Variants in PTGER4 observed in about 807,000 individuals in gnomAD.
PTGER4 encodes the protein prostaglandin E receptor 4, also known as prostaglandin E2 receptor EP4 subtype.
In PTGER4, 11 loss-of-function variants were observed where a neutral mutation model predicts 33.2. That is an observed-to-expected ratio of 0.33 (90% CI 0.21 to 0.55). The LOEUF (loss-of-function observed/expected upper bound fraction) is 0.55. PTGER4 is among the 20% of genes least tolerant of loss of function. The probability of loss-of-function intolerance (pLI) is 0.92; values close to 1 mark genes in which losing one functional copy is unlikely to be tolerated. For missense variants in PTGER4, 481 were observed against 650.2 expected, an observed-to-expected ratio of 0.74 and a Z score of 2.83; for synonymous variants, 275 against 281.5, an observed-to-expected ratio of 0.98 and a Z score of 0.23.
At chr5:40,730,132 ATT>A in the PTGER4 span, 1 of 659,712 alleles carries the variant, frequency 1.5e-6, no homozygotes, top group East Asian at 2.7e-5. Context: ...ATGGTGAAAT[ATT>A]TTTTCCCAAA....
downstream of PTGER4, among the ~76,000 whole-genome samples, chr5:40,694,664 C>A (rs549168675): frequency 6.6e-6 from 1 of 151,876 alleles, no homozygotes; most frequent in East Asian, 1.9e-4. Context: ...TAGGGCCCCA[C>A]CCTTATGACT....
the PTGER4 span, among the ~76,000 whole-genome samples, chr5:40,699,095 G>GA: frequency 1.3e-5 from 2 of 150,174 alleles, no homozygotes; most frequent in South Asian, 4.2e-4. Context: ...TATAGGAACA[G>GA]AAAAAACAGT....
chr5:40,681,958 T>A lies in PTGER4; in HGVS notation c.867+98T>A. On this transcript the variant is annotated intron_variant, in intron 2 of 2. Coordinates refer to ENST00000302472, the MANE Select transcript of PTGER4 (RefSeq NM_000958.3). This position sits in a 1 kb window ranked among gnomAD's most constrained non-coding sequence, Gnocchi z 9.8. ...TGCTTTCCCTCTGAGTCCTTGGCAG[T>A]GAACGTGTCGCCTTTAGGTCGGGGC... 1 of 1,381,662 alleles carries A rather than the reference T, an allele frequency of 7.2e-7. No homozygotes were observed. The highest frequency in any genetic ancestry group is 9.5e-7 in the Non-Finnish European group (1 of 1,047,128). 85.6% of individuals were successfully genotyped at this position (1,381,662 alleles called of 1,614,324 possible).
chr5:40,744,739 A>C, the PTGER4 span, among the ~76,000 whole-genome samples: 2 of 152,220 alleles, frequency 1.3e-5, no homozygotes, highest in East Asian at 3.9e-4. Flanking sequence ...AACAATTCTT[A>C]TACTGTCAAG....
chr5:40,693,825 A>T (rs537193809), downstream of PTGER4: 19 of 658,056 alleles, frequency 2.9e-5, no homozygotes, highest in Admixed American at 4.4e-4. Flanking sequence ...ATATTTTTTT[A>T]AAATTTATTG....
At chr5:40,716,402 G>A in the PTGER4 span, 13 of 1,613,798 alleles carry the variant, frequency 8.1e-6, no homozygotes, top group African/African-American at 2.7e-5. Context: ...GCTACCTTCT[G>A]CTGCTCCTGG....
rs1183616571 is a variant in PTGER4, at chr5:40,681,329, C to T, written c.336C>T (p.Ala112=). 6.2e-7 allele frequency: 1 copy of T among 1,614,198 alleles called. No homozygotes were observed. Among genetic ancestry groups the T allele is most frequent in the Non-Finnish European group, 8.5e-7 (1 of 1,180,044 alleles). ...FSLSGLSIIC[A]MSVERYLAIN... is the part of the protein sequence containing the mutation. ...TGTCCGGCCTCAGCATCATCTGCGC[C>T]ATGAGTGTCGAGCGCTACCTGGCCA... is the stretch of plus-strand genomic sequence containing the variant. The change falls in exon 2 of 3, where the codon GCC becomes GCT. Residue 112 remains alanine, a synonymous_variant. Transcript: ENST00000302472. The surrounding 1 kb of genome is among the most constrained non-coding windows in gnomAD (Gnocchi z 9.8).
At position 40,680,570 on chromosome 5, in the gene PTGER4, C is replaced by G. The variant is rs2111780007; in HGVS notation, c.-44+92C>G. On this transcript the variant is annotated intron_variant, in intron 1 of 2. Coordinates refer to ENST00000302472, the MANE Select transcript of PTGER4 (RefSeq NM_000958.3). This position sits in a 1 kb window ranked among gnomAD's most constrained non-coding sequence, Gnocchi z 5.5. The stretch of plus-strand genomic sequence containing the variant: ...AGAGAGCCAAGAAGGGAAGAGCGCG[C>G]TCTCCAAATTGCTTTTGTAACTTGT... The G allele has an allele frequency of 1.9e-5, 3 of 158,680 alleles. No individual in the cohort carries two copies. The highest frequency in any genetic ancestry group is 3.6e-4 in the South Asian group (2 of 5,588). 9.8% of individuals were successfully genotyped at this position (158,680 alleles called of 1,614,324 possible).
At chr5:40,713,780 T>C in the PTGER4 span, among the ~76,000 whole-genome samples, 1 of 152,190 alleles carries the variant, frequency 6.6e-6, no homozygotes, top group East Asian at 1.9e-4. Context: ...AACATCTATA[T>C]CATTATCATG....
intron 2 of PTGER4, among the ~76,000 whole-genome samples, chr5:40,684,924 T>G (rs1012737160): frequency 1.3e-5 from 2 of 152,168 alleles, no homozygotes; most frequent in African/African-American, 4.8e-5. Flanking sequence ...AAGGATTGAA[T>G]TCTTTAGAAA....
At chr5:40,728,439 T>G in the PTGER4 span, 26 of 1,613,668 alleles carry the variant, frequency 1.6e-5, no homozygotes, top group Non-Finnish European at 2.0e-5. Context: ...TTCTGCTGCA[T>G]GTACTGCTGG....
chr5:40,687,969 G>T (rs952312050), intron 2 of PTGER4, among the ~76,000 whole-genome samples: 3 of 152,162 alleles, frequency 2.0e-5, no homozygotes, highest in Admixed American at 1.3e-4. Context: ...GCACAGAAAT[G>T]ATTCTTTCCT....
In PTGER4 at chr5:40,692,695, G is replaced by T; in HGVS notation, c.*317G>T. 9.3e-7 allele frequency: 1 copy of T among 1,074,274 alleles called. No individual in the cohort carries two copies. The highest frequency in any genetic ancestry group is 1.1e-6 in the Non-Finnish European group (1 of 885,586). 66.5% of individuals were successfully genotyped at this position (1,074,274 alleles called of 1,614,324 possible). A position where few individuals can be genotyped will look rare whatever the true frequency, so the allele number is the denominator to read the frequency against. On this transcript the variant is annotated 3_prime_UTR_variant, in exon 3 of 3. Transcript: ENST00000302472. Reference sequence around the variant, plus strand: ...TTTGGCTGCTGTCATAACATCCAGAGCTTTGTCGTATTTGGCACACAGCAG... The same window carrying T: ...TTTGGCTGCTGTCATAACATCCAGATCTTTGTCGTATTTGGCACACAGCAG...
the PTGER4 span, among the ~76,000 whole-genome samples, chr5:40,721,590 A>G: frequency 6.6e-6 from 1 of 152,198 alleles, no homozygotes; most frequent in Non-Finnish European, 1.5e-5. Flanking sequence ...ATCTTACACC[A>G]TAAACAAAAG....
At chr5:40,713,946 C>A in the PTGER4 span, among the ~76,000 whole-genome samples, 2 of 152,148 alleles carry the variant, frequency 1.3e-5, no homozygotes, top group Non-Finnish European at 2.9e-5. Context: ...TTTTGAGGGG[C>A]CTGCAGAAAT....
the PTGER4 span, among the ~76,000 whole-genome samples, chr5:40,714,236 G>A: frequency 6.6e-6 from 1 of 152,036 alleles, no homozygotes; most frequent in African/African-American, 2.4e-5. Context: ...ATAAGGAAAG[G>A]ATTACAAAAA....
the PTGER4 span, among the ~76,000 whole-genome samples, chr5:40,701,494 C>T: frequency 6.6e-6 from 1 of 151,964 alleles, no homozygotes; most frequent in Admixed American, 6.6e-5. Context: ...AAAAAGAATA[C>T]AAAAGAATGA....
chr5:40,686,901 GAAAAT>G (rs1250836487), intron 2 of PTGER4, among the ~76,000 whole-genome samples: 1 of 151,922 alleles, frequency 6.6e-6, no homozygotes, highest in Non-Finnish European at 1.5e-5. Flanking sequence ...CTTTCTAAAA[GAAAAT>G]AAAATAATTT....
At chr5:40,728,586 C>T in the PTGER4 span, 3 of 1,072,694 alleles carry the variant, frequency 2.8e-6, no homozygotes, top group Non-Finnish European at 3.8e-6. Context: ...GTAAAAATAG[C>T]ATTTCGGTGA....
Sources: gnomAD v4.1 joint callset for allele counts (sites outside exome capture counted in the v4.1 genomes callset) on GRCh38, gnomAD v4.1.1 for gene constraint, Gnocchi (gnomAD v3.1) non-coding constraint, MANE v1.5 for transcripts, NCBI Gene and HGNC (gene_info 2026-07-23, HGNC 2026-07-21) for gene names.